AKAP12: variants seen among roughly 807,000 people sequenced by gnomAD.
The protein encoded by AKAP12 is A-kinase anchor protein 12.
AKAP12 carries 32 observed loss-of-function variants against 79.9 expected under a neutral mutation model. That is an observed-to-expected ratio of 0.40 (90% confidence interval 0.30 to 0.54). AKAP12 has a LOEUF of 0.54. Ranked by LOEUF, AKAP12 falls within the 20% of genes least tolerant of loss-of-function variation. AKAP12 has a pLI of 0.48. For synonymous variants in AKAP12, 808 were observed against 857.0 expected (o/e 0.94, Z 1.00); for missense variants, 2,074 against 2,177.0 (o/e 0.95, Z 0.94).
chr6:151,346,636 T>G (rs1379283861), intron 3 of AKAP12, among the ~76,000 whole-genome samples: 2 of 152,226 alleles, frequency 1.3e-5, no homozygotes. Flanking sequence ...ATGTTAAATG[T>G]GATCACTTGG....
intron 3 of AKAP12, among the ~76,000 whole-genome samples, chr6:151,308,564 G>C (rs897414319): frequency 6.6e-6 from 1 of 151,962 alleles, no homozygotes; most frequent in East Asian, 1.9e-4. Context: ...TGACCTCTAG[G>C]AAAAAAGAAC....
chr6:151,290,912 G>A (rs1388590657), intron 2 of AKAP12, among the ~76,000 whole-genome samples: 4 of 152,130 alleles, frequency 2.6e-5, no homozygotes. Flanking sequence ...GCCCAGCCTG[G>A]ATTCTTGTTT....
At chr6:151,323,080 T>C (rs189233280) in intron 3 of AKAP12, among the ~76,000 whole-genome samples, 6 of 152,224 alleles carry the variant, frequency 3.9e-5, no homozygotes, top group African/African-American at 1.2e-4. Flanking sequence ...TTTATCCTAA[T>C]TGATGACTTT....
chr6:151,324,793 C>T (rs887230218), intron 3 of AKAP12: 8 of 985,410 alleles, frequency 8.1e-6, no homozygotes, highest in Non-Finnish European at 8.4e-6. Flanking sequence ...TGAGACCACA[C>T]CAACTCATTC....
intron 2 of AKAP12, among the ~76,000 whole-genome samples, chr6:151,255,225 G>T (rs574931690): frequency 6.6e-6 from 1 of 151,980 alleles, no homozygotes; most frequent in Admixed American, 6.5e-5. Flanking sequence ...GAGTGCAGTG[G>T]CACGATCTCG....
chr6:151,254,512 C>G (rs376001641), intron 2 of AKAP12, among the ~76,000 whole-genome samples: 3 of 152,038 alleles, frequency 2.0e-5, no homozygotes, highest in Non-Finnish European at 4.4e-5. Flanking sequence ...CCACCACACT[C>G]GGCTAATTTT....
At chr6:151,316,433 G>A (rs1300483989) in intron 3 of AKAP12, among the ~76,000 whole-genome samples, 1 of 152,136 alleles carries the variant, frequency 6.6e-6, no homozygotes, top group Non-Finnish European at 1.5e-5. Context: ...CAAAATACTC[G>A]ACTGGTGGTT....
chr6:151,343,314 G>T (rs984158168), intron 3 of AKAP12, among the ~76,000 whole-genome samples: 9 of 152,150 alleles, frequency 5.9e-5, no homozygotes, highest in African/African-American at 2.2e-4. Context: ...TTAATCACAT[G>T]CTTGCTGGCA....
intron 2 of AKAP12, among the ~76,000 whole-genome samples, chr6:151,247,862 CG>C (rs1797106651): frequency 6.6e-6 from 1 of 152,088 alleles, no homozygotes. Flanking sequence ...TCTGGGACAC[CG>C]GGACACCATT....
At chr6:151,348,353 C>G in intron 3 of AKAP12, 1 of 452,960 alleles carries the variant, frequency 2.2e-6, no homozygotes. Flanking sequence ...AGTTAATTTT[C>G]TTGGGCTAGG....
intron 2 of AKAP12, among the ~76,000 whole-genome samples, chr6:151,256,593 G>A (rs1171300125): frequency 6.6e-6 from 1 of 151,948 alleles, no homozygotes; most frequent in Non-Finnish European, 1.5e-5. Flanking sequence ...AAAGATGATT[G>A]TATTTTTTAT....
intron 2 of AKAP12, among the ~76,000 whole-genome samples, chr6:151,256,947 C>CATATATATATAT: frequency 1.7e-5 from 1 of 60,372 alleles, no homozygotes; most frequent in Non-Finnish European, 3.1e-5. Context: ...CCGCGCCCGG[C>CATATATATATAT]CTATATATAT....
chr6:151,309,618 G>A (rs948271394), intron 3 of AKAP12, among the ~76,000 whole-genome samples: 1 of 152,178 alleles, frequency 6.6e-6, no homozygotes, highest in Non-Finnish European at 1.5e-5. Flanking sequence ...TTAGAAAGAA[G>A]GAACCGCATA....
chr6:151,275,416 A>G (rs1006148091), intron 2 of AKAP12, among the ~76,000 whole-genome samples: 1 of 152,094 alleles, frequency 6.6e-6, no homozygotes, highest in Non-Finnish European at 1.5e-5. Context: ...TACATTTTCC[A>G]TCTAGAAAAG....
chr6:151,352,347 C>T lies in AKAP12; in HGVS notation c.3956C>T (p.Ala1319Val), dbSNP rs1184157714. 1 of 1,614,176 alleles carries T rather than the reference C, an allele frequency of 6.2e-7. No homozygotes were observed. The highest frequency in any genetic ancestry group is 8.5e-7 in the Non-Finnish European group (1 of 1,180,034). The stretch of plus-strand genomic sequence containing the variant: ...GAAGCTGAATGTAAAAAGGATGATG[C>T]TCTTGAACTGCAGAGTCACGCTAAG... ...TEEAECKKDD[A>V]LELQSHAKSP... Residue 1319 changes from alanine to valine, a missense_variant, in exon 4 of 5, where the codon GCT becomes GTT. By Grantham distance (64) the Ala-to-Val change is moderately conservative. This residue lies in a region of AKAP12 where 614 missense variants were observed against 665.6 expected (regional missense o/e 0.92). Coordinates refer to ENST00000402676, the MANE Select transcript of AKAP12 (RefSeq NM_005100.4).
intron 3 of AKAP12, among the ~76,000 whole-genome samples, chr6:151,326,911 G>A (rs1391455468): frequency 6.6e-6 from 1 of 151,954 alleles, no homozygotes; most frequent in Non-Finnish European, 1.5e-5. Context: ...CCACCTCCTG[G>A]GTTCAAGCGA....
intron 2 of AKAP12, among the ~76,000 whole-genome samples, chr6:151,262,224 G>C (rs1299246638): frequency 8.5e-5 from 13 of 152,294 alleles, no homozygotes; most frequent in Admixed American, 2.6e-4. Context: ...CAAAGTGCTG[G>C]GATAACAGGC....
At chr6:151,275,968 T>A (rs551163995) in intron 2 of AKAP12, among the ~76,000 whole-genome samples, 1 of 152,366 alleles carries the variant, frequency 6.6e-6, no homozygotes, top group Admixed American at 6.5e-5. Flanking sequence ...AGCATTTATC[T>A]TTGCAGAAAG....
At chr6:151,282,116 C>T (rs1054254381) in intron 2 of AKAP12, among the ~76,000 whole-genome samples, 4 of 151,926 alleles carry the variant, frequency 2.6e-5, no homozygotes, top group Non-Finnish European at 5.9e-5. Flanking sequence ...TGGAGTCTTG[C>T]TCTGTCGCCC....
Sources: allele counts gnomAD v4.1 joint callset (sites outside exome capture counted in the v4.1 genomes callset), GRCh38; gene constraint gnomAD v4.1.1; regional missense constraint gnomAD v4.1.1; transcripts MANE v1.5; gene names NCBI Gene and HGNC (gene_info 2026-07-23, HGNC 2026-07-21).